The following C8orf34 variants were observed in gnomAD, a reference collection of about 807,000 sequenced individuals.
C8orf34 encodes uncharacterized protein C8orf34.
In C8orf34, 65 loss-of-function variants were observed where a neutral mutation model predicts 68.3. The ratio of observed to expected loss-of-function variants is 0.95; its 90% CI spans 0.78 to 1.17. The LOEUF is 1.17. Among genes scored for constraint, C8orf34 ranks in the 50% most tolerant of loss-of-function variants. C8orf34 has a pLI of 0.00. For missense variants in C8orf34, 664 were observed against 655.4 expected, an observed-to-expected ratio of 1.01 and a Z score of -0.14; for synonymous variants, 244 against 241.2, an observed-to-expected ratio of 1.01 and a Z score of -0.11.
At chr8:68,744,004 G>A (rs1585813019) in intron 10 of C8orf34, among the ~76,000 whole-genome samples, 1 of 152,106 alleles carries the variant, frequency 6.6e-6, no homozygotes, top group African/African-American at 2.4e-5. Context: ...TTTGAAGAGA[G>A]CAGTGGTTCT....
At position 68,685,112 on chromosome 8, in the gene C8orf34, T is replaced by A. The variant is rs184133567; in HGVS notation, c.1242-23882T>A. On this transcript the variant is annotated intron_variant, in intron 8 of 13. Coordinates refer to ENST00000518698, the MANE Select transcript of C8orf34 (RefSeq NM_052958.4). The stretch of plus-strand genomic sequence containing the variant: ...AACTCTTTCATACTAAGGTATGTTT[T>A]AACTCTTTCATACTACGGTAACATA... Among the ~76,000 whole-genome samples, 662 of 152,274 alleles carry A rather than the reference T, an allele frequency of 4.3e-3. 10 individuals carry two copies. The highest frequency in any genetic ancestry group is 0.015 in the African/African-American group (624 of 41,574).
At chr8:68,506,198 C>T (rs1296760809) in intron 5 of C8orf34, among the ~76,000 whole-genome samples, 1 of 152,112 alleles carries the variant, frequency 6.6e-6, no homozygotes, top group African/African-American at 2.4e-5. Context: ...ATGGCATTTA[C>T]ATCATGTACA....
intron 1 of C8orf34, among the ~76,000 whole-genome samples, chr8:68,425,147 G>T (rs1224100612): frequency 6.6e-6 from 1 of 152,052 alleles, no homozygotes; most frequent in Non-Finnish European, 1.5e-5. Context: ...CCTCATAAAT[G>T]CATCTACAGA....
Position 68,687,550 on chromosome 8 carries a change from G to A in C8orf34, c.1242-21444G>A, listed in dbSNP as rs559350804. On this transcript the variant is annotated intron_variant, in intron 8 of 13. Coordinates refer to ENST00000518698, the MANE Select transcript of C8orf34 (RefSeq NM_052958.4). Reference sequence around the variant, plus strand: ...TTCAAAAAATGGTGCTGGGAAAACTGGCAAGCCACGTGTAGAAGAATGAAA... The same window carrying A: ...TTCAAAAAATGGTGCTGGGAAAACTAGCAAGCCACGTGTAGAAGAATGAAA... 2.0e-5 allele frequency among the ~76,000 whole-genome samples: 3 copies of A among 152,074 alleles called. No homozygotes were observed. In the East Asian group the frequency reaches 5.8e-4, roughly 29 times the overall value.
chr8:68,367,707 C>T (rs1465586065), intron 1 of C8orf34, among the ~76,000 whole-genome samples: 4 of 139,396 alleles, frequency 2.9e-5, no homozygotes, highest in Admixed American at 7.6e-5. Context: ...AATGAGATCA[C>T]ATGGACACAA....
intron 10 of C8orf34, among the ~76,000 whole-genome samples, chr8:68,735,463 A>C (rs1324008384): frequency 1.3e-5 from 2 of 152,202 alleles, no homozygotes; most frequent in African/African-American, 2.4e-5. Context: ...TGATTTAGAG[A>C]ATTATAAAAG....
At position 68,738,405 on chromosome 8, in the gene C8orf34, A is replaced by G. The variant is rs993587166; in HGVS notation, c.1404+16968A>G. ...AATAGAACAACTAGAGAACCAAGAG[A>G]AAACCAACCCCAAAGCTAGCAGAAG... On this transcript the variant is annotated intron_variant, in intron 10 of 13. Transcript: ENST00000518698. 2.6e-5 allele frequency among the ~76,000 whole-genome samples: 4 copies of G among 152,132 alleles called. No homozygotes were observed. In the South Asian group the frequency reaches 8.3e-4, roughly 32 times the overall value.
At chr8:68,518,286 C>T (rs1302384174) in intron 5 of C8orf34, among the ~76,000 whole-genome samples, 2 of 152,170 alleles carry the variant, frequency 1.3e-5, no homozygotes, top group Non-Finnish European at 2.9e-5. Context: ...GCTTCAGCTT[C>T]CTCTTCTCTG....
At chr8:68,614,611 T>A (rs1818136584) in intron 7 of C8orf34, among the ~76,000 whole-genome samples, 1 of 152,160 alleles carries the variant, frequency 6.6e-6, no homozygotes, top group African/African-American at 2.4e-5. Context: ...ATATGCGGTG[T>A]TATTTCTGAG....
At chr8:68,739,975 A>G (rs1822234835) in intron 10 of C8orf34, among the ~76,000 whole-genome samples, 1 of 152,196 alleles carries the variant, frequency 6.6e-6, no homozygotes, top group Non-Finnish European at 1.5e-5. Flanking sequence ...CTGATCTTCA[A>G]CAAAGCTGAC....
chr8:68,443,455 C>A (rs1366421701), intron 2 of C8orf34, among the ~76,000 whole-genome samples: 1 of 152,056 alleles, frequency 6.6e-6, no homozygotes, highest in East Asian at 1.9e-4. Context: ...AGTGCAGTGG[C>A]ATGATCTCGG....
intron 12 of C8orf34, among the ~76,000 whole-genome samples, chr8:68,810,744 C>T (rs1418511060): frequency 6.6e-6 from 1 of 152,136 alleles, no homozygotes; most frequent in Non-Finnish European, 1.5e-5. Flanking sequence ...GCAGGTCATC[C>T]TGACATCTGC....
At chr8:68,610,861 G>GTTTTTTTTTTTTTTTTTTTTTTTTTT (rs60113883) in intron 7 of C8orf34, among the ~76,000 whole-genome samples, 1 of 120,476 alleles carries the variant, frequency 8.3e-6, no homozygotes, top group Non-Finnish European at 1.7e-5. Context: ...TGAATCTTTG[G>GTTTTTTTTTTTTTTTTTTTTTTTTTT]TTTTTTTTTT....
chr8:68,785,139 G>T (rs1427636206), intron 11 of C8orf34, among the ~76,000 whole-genome samples: 2 of 151,886 alleles, frequency 1.3e-5, no homozygotes, highest in Non-Finnish European at 2.9e-5. Flanking sequence ...GGGCCCTGGA[G>T]GTTAAGGTGA....
intron 7 of C8orf34, among the ~76,000 whole-genome samples, chr8:68,615,717 T>G (rs1171895735): frequency 6.6e-6 from 1 of 152,226 alleles, no homozygotes; most frequent in African/African-American, 2.4e-5. Context: ...GATTTTTGCA[T>G]CAATATTCAT....
At chr8:68,464,313 T>G (rs1306191766) in intron 3 of C8orf34, among the ~76,000 whole-genome samples, 2 of 152,152 alleles carry the variant, frequency 1.3e-5, no homozygotes, top group African/African-American at 4.8e-5. Flanking sequence ...TACAAACAAA[T>G]GGAAGAATAT....
In C8orf34 at chr8:68,653,468, T is replaced by A. The variant is rs557442528; in HGVS notation, c.1241+12957T>A. Among the ~76,000 whole-genome samples the A allele has an allele frequency of 7.2e-5, 11 of 152,326 alleles. No individual in the cohort carries two copies. The East Asian group carries it at 2.1e-3, about 29-fold the overall frequency. On this transcript the variant is annotated intron_variant, in intron 8 of 13. Transcript: ENST00000518698. Reference sequence around the variant, plus strand: ...CTGAAAGGCTCCTGTTTTTAGCTACTGTCTTAATCTGTTTGCCTGCTATAA... The same window carrying A: ...CTGAAAGGCTCCTGTTTTTAGCTACAGTCTTAATCTGTTTGCCTGCTATAA...
chr8:68,381,976 A>G (rs888696043), intron 1 of C8orf34, among the ~76,000 whole-genome samples: 5 of 152,196 alleles, frequency 3.3e-5, no homozygotes, highest in Admixed American at 6.5e-5. Context: ...TATATTTGGT[A>G]CTTAACAAAA....
chr8:68,411,934 G>A (rs749646731), intron 1 of C8orf34, among the ~76,000 whole-genome samples: 1 of 152,158 alleles, frequency 6.6e-6, no homozygotes, highest in Non-Finnish European at 1.5e-5. Context: ...GAAGCCTTTG[G>A]GAGGTGATTA....
Sources: gnomAD v4.1 joint callset for allele counts (sites outside exome capture counted in the v4.1 genomes callset) on GRCh38, gnomAD v4.1.1 for gene constraint, MANE v1.5 for transcripts, NCBI Gene and HGNC (gene_info 2026-07-23, HGNC 2026-07-21) for gene names.